The following ZMYM4 variants were observed in gnomAD, a reference collection of about 807,000 sequenced individuals.
ZMYM4 encodes zinc finger MYM-type containing 4, also known as zinc finger MYM-type protein 4.
Under a neutral mutation model 183.2 loss-of-function variants are expected in ZMYM4, and 31 were observed. The ratio of observed to expected loss-of-function variants is 0.17; its 90% confidence interval spans 0.13 to 0.23. The LOEUF (loss-of-function observed/expected upper bound fraction) is 0.23. Ranked by LOEUF, ZMYM4 falls within the 10% of genes least tolerant of loss-of-function variation. The probability of loss-of-function intolerance (pLI) is 1.00; values close to 1 mark genes in which losing one functional copy is unlikely to be tolerated. For synonymous variants in ZMYM4, 592 were observed against 631.2 expected (o/e 0.94, Z 0.93); for missense variants, 1,273 against 1,840.3 (o/e 0.69, Z 5.64).
chr1:35,343,026 A>G (rs187240563), intron 2 of ZMYM4, among the ~76,000 whole-genome samples: 1 of 152,184 alleles, frequency 6.6e-6, no homozygotes, highest in African/African-American at 2.4e-5. Flanking sequence ...GTCTCAATAG[A>G]TAGACTGATA....
Position 35,387,264 on chromosome 1 carries a change from C to T in ZMYM4, c.2098C>T (p.Leu700Phe). ...CCGTCTTTTTGCCACAAAACCAGAA[C>T]TTCTTGACTATAAGGTAAAGTATAG... ...CNRLFATKPE[L>F]LDYKGKMFQF... Residue 700 changes from leucine to phenylalanine, a missense_variant, in exon 12 of 30, where the codon CTT (leucine) becomes TTT (phenylalanine). By Grantham distance (22) the Leu-to-Phe change is conservative (BLOSUM62 0). Transcript: ENST00000314607. 6.2e-7 allele frequency: 1 copy of T among 1,613,990 alleles called. No homozygotes were observed. The highest frequency in any genetic ancestry group is 2.2e-5 in the East Asian group (1 of 44,880).
At chr1:35,391,367 C>T (rs1049590435) in intron 15 of ZMYM4, among the ~76,000 whole-genome samples, 5 of 152,174 alleles carry the variant, frequency 3.3e-5, no homozygotes, top group African/African-American at 4.8e-5. Context: ...TTGTTGCTTA[C>T]TTACCTTGTC....
At chr1:35,324,101 TTGG>T (rs1361500745) in intron 1 of ZMYM4, among the ~76,000 whole-genome samples, 1 of 152,164 alleles carries the variant, frequency 6.6e-6, no homozygotes, top group Non-Finnish European at 1.5e-5. Context: ...TGTTATTTCT[TTGG>T]TATTTAGTGG....
intron 2 of ZMYM4, among the ~76,000 whole-genome samples, chr1:35,327,082 A>G (rs891962710): frequency 1.3e-5 from 2 of 152,096 alleles, no homozygotes; most frequent in Non-Finnish European, 2.9e-5. Context: ...GCTGTTCTCG[A>G]ACTCCTGACC....
chr1:35,388,753 G>T (rs1037428530), intron 13 of ZMYM4, among the ~76,000 whole-genome samples, 157 bp from the exon 14 acceptor site: 1 of 151,686 alleles, frequency 6.6e-6, no homozygotes, highest in African/African-American at 2.4e-5. Context: ...GCCCAGGCTG[G>T]TCTCAAACTC....
intron 1 of ZMYM4, among the ~76,000 whole-genome samples, chr1:35,275,444 G>C (rs1391374076): frequency 2.6e-5 from 4 of 152,064 alleles, no homozygotes; most frequent in African/African-American, 9.7e-5. Flanking sequence ...GGCCAGGCTG[G>C]TCTTGAACTC....
intron 1 of ZMYM4, among the ~76,000 whole-genome samples, chr1:35,315,480 CAGTT>C (rs1642004184): frequency 6.6e-6 from 1 of 152,092 alleles, no homozygotes; most frequent in African/African-American, 2.4e-5. Context: ...AGCAAGTTGA[CAGTT>C]AGCCAGTCTT....
chr1:35,297,049 C>CGA (rs1173309163), intron 1 of ZMYM4, among the ~76,000 whole-genome samples: 1 of 151,918 alleles, frequency 6.6e-6, no homozygotes, highest in East Asian at 1.9e-4. Flanking sequence ...GGAGTTTCAC[C>CGA]ATGTTGGTCA....
At position 35,268,799 on chromosome 1, in the gene ZMYM4, C is replaced by T. The variant is rs1639433379; in HGVS notation, c.-248C>T. On this transcript the variant is annotated 5_prime_UTR_variant, in exon 1 of 30. Transcript: ENST00000314607. ...ACGGGGCCCCTTGGAGGCCATTAAC[C>T]CCCCGAGTCCCGGCCCCCACCCCGT... Among the ~76,000 whole-genome samples the T allele has an allele frequency of 6.6e-6, 1 of 152,222 alleles. No individual in the cohort carries two copies. The highest frequency in any genetic ancestry group is 1.5e-5 in the Non-Finnish European group (1 of 68,028).
At chr1:35,342,656 G>A (rs554091413) in intron 2 of ZMYM4, among the ~76,000 whole-genome samples, 302 of 151,888 alleles carry the variant, frequency 2.0e-3, no homozygotes, top group Non-Finnish European at 3.6e-3. Context: ...TTATGAAGTT[G>A]TAAGGATCCT....
At chr1:35,390,152 T>TG in intron 15 of ZMYM4, 54 bp downstream of exon 15, 7 of 1,559,866 alleles carry the variant, frequency 4.5e-6, no homozygotes, top group Non-Finnish European at 5.2e-6. Context: ...TAGGAACTAC[T>TG]GTTCTTTTAC....
intron 2 of ZMYM4, among the ~76,000 whole-genome samples, chr1:35,326,542 A>T (rs189888672): frequency 2.0e-5 from 3 of 152,282 alleles, no homozygotes; most frequent in Admixed American, 2.0e-4. Flanking sequence ...TATGAATTTT[A>T]TTACAATAAT....
In ZMYM4 at chr1:35,358,970, A is replaced by G; in HGVS notation, c.131A>G (p.Asn44Ser). 1 of 1,613,670 alleles carries G rather than the reference A, an allele frequency of 6.2e-7. No individual in the cohort carries two copies. The highest frequency in any genetic ancestry group is 8.5e-7 in the Non-Finnish European group (1 of 1,179,686). ...GAAATGTCTGAAGATATAGACCACA[A>G]CTTAACTCCTACCCTTGACAGCATG... The part of the protein sequence containing the change: ...DTEMSEDIDH[N>S]LTPTLDSMSY... The change falls in exon 3 of 30, where the codon AAC (asparagine) becomes AGC (serine). Residue 44 changes from asparagine (N) to serine (S), a missense_variant. Coordinates refer to ENST00000314607, the MANE Select transcript of ZMYM4 (RefSeq NM_005095.3).
intron 1 of ZMYM4, among the ~76,000 whole-genome samples, chr1:35,276,602 C>T (rs1355329333): frequency 1.3e-5 from 2 of 152,014 alleles, no homozygotes; most frequent in African/African-American, 4.8e-5. Flanking sequence ...TAATCACCTC[C>T]CCCCACCTTT....
intron 23 of ZMYM4, among the ~76,000 whole-genome samples, chr1:35,400,924 T>C (rs1334909204): frequency 6.6e-6 from 1 of 152,242 alleles, no homozygotes; most frequent in Non-Finnish European, 1.5e-5. Flanking sequence ...GATTCATCCA[T>C]GTTATTTCAT....
chr1:35,401,710 T>C (rs1186415727), intron 23 of ZMYM4, among the ~76,000 whole-genome samples: 4 of 152,226 alleles, frequency 2.6e-5, no homozygotes. Context: ...TAAGACATTC[T>C]CTTACATTTT....
At chr1:35,417,143 G>A (rs939351841) in intron 28 of ZMYM4, among the ~76,000 whole-genome samples, 1 of 151,806 alleles carries the variant, frequency 6.6e-6, no homozygotes, top group African/African-American at 2.4e-5. Flanking sequence ...AGGCTCATGC[G>A]GGAGGATTGC....
intron 2 of ZMYM4, among the ~76,000 whole-genome samples, chr1:35,332,170 GA>G (rs1308419169): frequency 6.6e-6 from 1 of 151,968 alleles, no homozygotes; most frequent in Non-Finnish European, 1.5e-5. Flanking sequence ...GTTGTTTTGT[GA>G]ATTTTATGCA....
chr1:35,392,460 T>G, intron 16 of ZMYM4, 108 bp downstream of exon 16: 1 of 1,409,810 alleles, frequency 7.1e-7, no homozygotes, highest in Non-Finnish European at 9.6e-7. Context: ...ACATTCAATA[T>G]TAGGAATAGT....
Sources: gnomAD v4.1 joint callset for allele counts (sites outside exome capture counted in the v4.1 genomes callset) on GRCh38, gnomAD v4.1.1 for gene constraint, MANE v1.5 for transcripts, NCBI Gene and HGNC (gene_info 2026-07-23, HGNC 2026-07-21) for gene names.